Variants in CLPB observed in about 807,000 individuals in gnomAD.
CLPB encodes mitochondrial disaggregase.
CLPB carries 40 observed loss-of-function variants against 78.4 expected under a neutral mutation model. The observed-to-expected ratio is 0.51, with a 90% CI of 0.40 to 0.66. The LOEUF is 0.66. Among genes scored for constraint, CLPB ranks in the 30% least tolerant of loss-of-function variants. The pLI, the probability that CLPB is intolerant of heterozygous loss-of-function variation, is 0.00. For synonymous variants in CLPB, 333 were observed against 348.0 expected, an observed-to-expected ratio of 0.96 and a Z score of 0.48; for missense variants, 780 against 886.9, an observed-to-expected ratio of 0.88 and a Z score of 1.53.
chr11:72,369,881 T>C (rs748071283), intron 4 of CLPB, among the ~76,000 whole-genome samples: 3 of 152,212 alleles, frequency 2.0e-5, no homozygotes, highest in Non-Finnish European at 2.9e-5. Flanking sequence ...GAATCTGAGA[T>C]ACTAGGGAGC....
chr11:72,297,635 A>C (rs931364645), intron 11 of CLPB, among the ~76,000 whole-genome samples: 4 of 72,192 alleles, frequency 5.5e-5, no homozygotes, highest in Non-Finnish European at 1.2e-4. Flanking sequence ...TTTGGGGACC[A>C]GGTGTGTGTG....
chr11:72,362,453 C>T (rs577084762), intron 4 of CLPB, among the ~76,000 whole-genome samples: 3 of 152,294 alleles, frequency 2.0e-5, no homozygotes, highest in Non-Finnish European at 2.9e-5. Flanking sequence ...CAAATAAACA[C>T]ATCAAACATA....
At position 72,416,749 on chromosome 11, in the gene CLPB, A is replaced by G. The variant is rs565390773; in HGVS notation, c.455+13563T>C. Among the ~76,000 whole-genome samples, 307 of 151,752 alleles carry G rather than the reference A, an allele frequency of 2.0e-3. 1 individual carries two copies. The highest frequency in any genetic ancestry group is 6.9e-3 in the African/African-American group (285 of 41,436). ...AGACTCCGTCTCAAAAAAAAAAAAA[A>G]AAAAAAGAAAAAAGAATGAATAAAT... On this transcript the variant is annotated intron_variant, in intron 2 of 15. Transcript: ENST00000538039.
chr11:72,433,773 A>C (rs1362180852), intron 1 of CLPB, among the ~76,000 whole-genome samples: 1 of 151,964 alleles, frequency 6.6e-6, no homozygotes, highest in East Asian at 1.9e-4. Flanking sequence ...CAGGCAGAAT[A>C]TGAGAAACAT....
At chr11:72,328,890 G>A (rs1208864998) in intron 6 of CLPB, among the ~76,000 whole-genome samples, 15 of 150,136 alleles carry the variant, frequency 1.0e-4, no homozygotes, top group Non-Finnish European at 1.6e-4. Flanking sequence ...TGTGGCAACA[G>A]CAGAGTCCCC....
In CLPB at chr11:72,288,468, G is replaced by A. The variant is rs894090429; in HGVS notation, c.*4899C>T. The A allele has an allele frequency of 1.9e-4, 29 of 152,266 alleles. No homozygotes were observed. Among genetic ancestry groups the A allele is most frequent in the African/African-American group, 6.8e-4 (28 of 41,400 alleles). 9.4% of individuals were successfully genotyped at this position (152,266 alleles called of 1,614,324 possible). A position where few individuals can be genotyped will look rare whatever the true frequency, so the allele number is the denominator to read the frequency against. ...TGCACCACCGCACTCCAGCCTGGGC[G>A]ACAGAGCAAGACTCTGTCTCAAAAA... On this transcript the variant is annotated 3_prime_UTR_variant, in exon 16 of 16. Transcript: ENST00000538039.
At position 72,391,393 on chromosome 11, in the gene CLPB, G is replaced by C. The variant is rs560017117; in HGVS notation, c.543-11009C>G. ...CACCCAGTACTCACTCCCATGGTAGGTGACCCTCATATTGTATCATGATGG... is the reference window on the plus strand; with the variant it reads ...CACCCAGTACTCACTCCCATGGTAGCTGACCCTCATATTGTATCATGATGG... On this transcript the variant is annotated intron_variant, in intron 3 of 15. Transcript: ENST00000538039. Among the ~76,000 whole-genome samples the C allele has an allele frequency of 7.2e-5, 11 of 152,240 alleles. No individual in the cohort carries two copies. In the South Asian group the frequency reaches 2.3e-3, roughly 32 times the overall value.
intron 4 of CLPB, among the ~76,000 whole-genome samples, chr11:72,363,862 T>C (rs1950889283): frequency 6.6e-6 from 1 of 152,184 alleles, no homozygotes; most frequent in African/African-American, 2.4e-5. Flanking sequence ...CAGCTGAAGC[T>C]CAGGGACTAA....
At chr11:72,383,979 AACAG>A (rs1422008258) in intron 3 of CLPB, among the ~76,000 whole-genome samples, 2 of 152,052 alleles carry the variant, frequency 1.3e-5, no homozygotes, top group Admixed American at 6.5e-5. Flanking sequence ...CTCTACCAAA[AACAG>A]ACAGACAAAC....
chr11:72,392,745 G>C (rs1264624723), intron 3 of CLPB, among the ~76,000 whole-genome samples: 1 of 152,048 alleles, frequency 6.6e-6, no homozygotes. Context: ...ACTAAGGCTC[G>C]GCAAGATAAT....
At chr11:72,314,242 C>T (rs887043835) in intron 7 of CLPB, among the ~76,000 whole-genome samples, 6 of 152,112 alleles carry the variant, frequency 3.9e-5, no homozygotes, top group Admixed American at 6.5e-5. Flanking sequence ...GAGGGTCAAC[C>T]GGGACTAGGT....
chr11:72,358,922 G>A lies in CLPB; in HGVS notation c.733C>T (p.Leu245Phe), dbSNP rs752382011. The change falls in exon 5 of 16, where the codon CTT becomes TTT. Residue 245 changes from leucine to phenylalanine, a missense_variant. Physicochemically the swap from Leu to Phe is conservative, Grantham distance 22. Transcript: ENST00000538039. ...TTGACAGTGCGGTAGTCATCAGCAA[G>A]AACAGCATAGTGCAAGGCCGTGCAG... ...KGCTALHYAV[L>F]ADDYRTVKEL... The A allele has an allele frequency of 6.2e-7, 1 of 1,611,020 alleles. No individual in the cohort carries two copies. Among genetic ancestry groups the A allele is most frequent in the Non-Finnish European group, 8.5e-7 (1 of 1,179,094 alleles).
At chr11:72,407,351 GC>G (rs1855739414) in intron 2 of CLPB, among the ~76,000 whole-genome samples, 1 of 152,208 alleles carries the variant, frequency 6.6e-6, no homozygotes, top group Non-Finnish European at 1.5e-5. Flanking sequence ...TCTAATCACT[GC>G]CAGTCTAATG....
At chr11:72,297,878 G>C (rs538321160) in intron 11 of CLPB, among the ~76,000 whole-genome samples, 11 of 152,286 alleles carry the variant, frequency 7.2e-5, no homozygotes, top group African/African-American at 2.4e-4. Context: ...TGGGTCCCAG[G>C]TGGGTGAGGG....
At chr11:72,373,613 C>G (rs746682614) in intron 4 of CLPB, among the ~76,000 whole-genome samples, 1 of 152,112 alleles carries the variant, frequency 6.6e-6, no homozygotes, top group Non-Finnish European at 1.5e-5. Context: ...TTTCCCCATC[C>G]TCTTCATCCT....
chr11:72,313,507 C>A (rs1428872004), intron 7 of CLPB, among the ~76,000 whole-genome samples: 3 of 152,194 alleles, frequency 2.0e-5, no homozygotes, highest in Non-Finnish European at 4.4e-5. Flanking sequence ...CACCTGTGTG[C>A]CCAACCTTAC....
Position 72,294,016 on chromosome 11 carries a change from G to A in CLPB, c.1785+6C>T, listed in dbSNP as rs1292284292. 6.2e-7 allele frequency: 1 copy of A among 1,612,260 alleles called. No individual in the cohort carries two copies. ...GGCGCCTCATTTCTCAGGCTCCTGT[G>A]CTCACCTCATGTTTGATGGAGCGGG... On this transcript the variant is annotated splice_donor_region_variant and intron_variant, in intron 15 of 15. Coordinates refer to ENST00000538039, the MANE Select transcript of CLPB (RefSeq NM_001258392.3).
chr11:72,303,466 G>A (rs1417513976), intron 9 of CLPB, among the ~76,000 whole-genome samples: 1 of 152,210 alleles, frequency 6.6e-6, no homozygotes, highest in Non-Finnish European at 1.5e-5. Context: ...GAGCCAGGGG[G>A]CTCGGGTTCC....
chr11:72,417,396 A>G (rs1284009247), intron 2 of CLPB, among the ~76,000 whole-genome samples: 6 of 152,206 alleles, frequency 3.9e-5, no homozygotes, highest in Admixed American at 6.5e-5. Context: ...CAAATCCAGA[A>G]ACAGAAAGCA....
Sources: gnomAD v4.1 joint callset for allele counts (sites outside exome capture counted in the v4.1 genomes callset) on GRCh38, gnomAD v4.1.1 for gene constraint, MANE v1.5 for transcripts, NCBI Gene and HGNC (gene_info 2026-07-23, HGNC 2026-07-21) for gene names.